SEM1: variants seen among roughly 807,000 people sequenced by gnomAD.
The protein encoded by SEM1 is 26S proteasome complex subunit SEM1.
A neutral mutation model predicts 12.7 loss-of-function variants in SEM1; 3 were observed. That is an observed-to-expected ratio of 0.24 (90% CI 0.11 to 0.61). The LOEUF is 0.61. SEM1 is among the 20% of genes least tolerant of loss of function. The probability of loss-of-function intolerance (pLI) is 0.88; values close to 1 mark genes in which losing one functional copy is unlikely to be tolerated. For synonymous variants in SEM1, 30 were observed against 27.8 expected (o/e 1.08, Z -0.25); for missense variants, 59 against 81.3 (o/e 0.73, Z 1.06).
intron 2 of SEM1, among the ~76,000 whole-genome samples, chr7:96,586,902 A>T (rs557349064): frequency 6.6e-6 from 1 of 152,310 alleles, no homozygotes; most frequent in South Asian, 2.1e-4. Context: ...TACCCAATTC[A>T]AAGCTCCTGT....
intron 2 of SEM1, among the ~76,000 whole-genome samples, chr7:96,532,903 C>T (rs1025560011): frequency 7.2e-5 from 11 of 152,030 alleles, no homozygotes; most frequent in African/African-American, 2.7e-4. Flanking sequence ...GGCTGGAGGA[C>T]TCTGTGGTAT....
rs373053676 is a variant in SEM1, at chr7:96,675,349, C to T, written c.171-1490G>A. ...TTACAGGCCATCAGTTTCGCCGTCA[C>T]TTCTATGTATAGAGAAAAGGACATG... On this transcript the variant is annotated intron_variant, in intron 2 of 2. Coordinates refer to the SEM1 transcript ENST00000413065. 3.9e-5 allele frequency among the ~76,000 whole-genome samples: 6 copies of T among 152,114 alleles called. No individual in the cohort carries two copies. In the East Asian group the frequency reaches 7.7e-4, roughly 20 times the overall value.
intron 2 of SEM1, among the ~76,000 whole-genome samples, chr7:96,608,091 C>T (rs1053707758): frequency 2.6e-5 from 4 of 152,174 alleles, no homozygotes; most frequent in African/African-American, 9.7e-5. Flanking sequence ...AAGCCCTTAG[C>T]ATCGTCTGGA....
chr7:96,487,406 T>C (rs965503117), intron 1 of SEM1, among the ~76,000 whole-genome samples: 2 of 150,074 alleles, frequency 1.3e-5, no homozygotes, highest in Non-Finnish European at 2.9e-5. Flanking sequence ...TTTTATCCAG[T>C]AATTTTCATT....
At chr7:96,630,522 A>T (rs1214466804) in intron 2 of SEM1, among the ~76,000 whole-genome samples, 1 of 152,036 alleles carries the variant, frequency 6.6e-6, no homozygotes. Context: ...CTCACTTTTC[A>T]GGGGAACAGG....
chr7:96,533,885 C>T (rs553182698), intron 2 of SEM1, among the ~76,000 whole-genome samples: 39 of 152,114 alleles, frequency 2.6e-4, no homozygotes, highest in Admixed American at 1.3e-3. Flanking sequence ...TATTTGTCAT[C>T]ACTGTGTACT....
At chr7:96,582,756 G>A (rs1475707183) in intron 2 of SEM1, among the ~76,000 whole-genome samples, 9 of 152,374 alleles carry the variant, frequency 5.9e-5, no homozygotes, top group Admixed American at 1.3e-4. Flanking sequence ...TAGTTTATTT[G>A]CGTAGAGGTG....
At chr7:96,569,608 T>C (rs28488875) in intron 2 of SEM1, among the ~76,000 whole-genome samples, 3,117 of 152,234 alleles carry the variant, frequency 0.02, 86 homozygotes, top group African/African-American at 0.072. Flanking sequence ...CATGTATGTA[T>C]TGCCTAATGG....
intron 2 of SEM1, among the ~76,000 whole-genome samples, chr7:96,511,680 G>T (rs1803938997): frequency 6.6e-6 from 1 of 152,092 alleles, no homozygotes; most frequent in East Asian, 1.9e-4. Flanking sequence ...GGATACCCAG[G>T]TTCTTACATC....
downstream of SEM1, among the ~76,000 whole-genome samples, chr7:96,685,606 A>G (rs2115764897): frequency 6.6e-6 from 1 of 152,158 alleles, no homozygotes; most frequent in South Asian, 2.1e-4. Flanking sequence ...TGGGCAAATT[A>G]TTCAGCATCT....
chr7:96,540,836 A>G (rs1480168900), intron 2 of SEM1, among the ~76,000 whole-genome samples: 1 of 151,806 alleles, frequency 6.6e-6, no homozygotes, highest in Non-Finnish European at 1.5e-5. Context: ...AAAACACGGT[A>G]TTTGGTTTTC....
chr7:96,668,268 C>A (rs2116566208), intron 2 of SEM1, among the ~76,000 whole-genome samples: 1 of 152,238 alleles, frequency 6.6e-6, no homozygotes, highest in African/African-American at 2.4e-5. Flanking sequence ...GCTGTCACTT[C>A]TGAATAAGAG....
At chr7:96,682,846 A>G (rs973548221) in intron 2 of SEM1, among the ~76,000 whole-genome samples, 1 of 152,098 alleles carries the variant, frequency 6.6e-6, no homozygotes, top group Non-Finnish European at 1.5e-5. Flanking sequence ...AAAGAACTTA[A>G]ACAAATTTAC....
At chr7:96,536,268 T>C (rs545668172) in intron 2 of SEM1, among the ~76,000 whole-genome samples, 1 of 152,012 alleles carries the variant, frequency 6.6e-6, no homozygotes, top group South Asian at 2.1e-4. Flanking sequence ...TTTCTGGTTT[T>C]ATTCTATTGT....
chr7:96,485,722 A>G (rs1802727317), intron 2 of SEM1, among the ~76,000 whole-genome samples: 1 of 151,566 alleles, frequency 6.6e-6, no homozygotes, highest in African/African-American at 2.4e-5. Flanking sequence ...CTGTATTCTT[A>G]ATAGAGACAG....
At chr7:96,574,156 A>G (rs1275770493) in intron 2 of SEM1, among the ~76,000 whole-genome samples, 3 of 151,852 alleles carry the variant, frequency 2.0e-5, no homozygotes, top group African/African-American at 7.3e-5. Flanking sequence ...TCATTGTTCA[A>G]TTCCCAGCTA....
chr7:96,583,939 GT>G (rs1223849813), intron 2 of SEM1, among the ~76,000 whole-genome samples: 1 of 151,660 alleles, frequency 6.6e-6, no homozygotes, highest in Non-Finnish European at 1.5e-5. Flanking sequence ...GCCAGTCTGT[GT>G]CTTTTAATTG....
chr7:96,519,262 A>C (rs1804193212), intron 2 of SEM1, among the ~76,000 whole-genome samples: 1 of 152,142 alleles, frequency 6.6e-6, no homozygotes, highest in Non-Finnish European at 1.5e-5. Context: ...GATTCAACAA[A>C]ACTATTTTTT....
intron 2 of SEM1, among the ~76,000 whole-genome samples, chr7:96,574,295 A>G (rs1584775364): frequency 6.6e-6 from 1 of 152,196 alleles, no homozygotes; most frequent in Admixed American, 6.5e-5. Context: ...ATAGTATTCC[A>G]TGGTGTATAT....
Sources: allele counts gnomAD v4.1 joint callset (sites outside exome capture counted in the v4.1 genomes callset), GRCh38; gene constraint gnomAD v4.1.1; transcripts MANE v1.5; gene names NCBI Gene and HGNC (gene_info 2026-07-23, HGNC 2026-07-21).